Variants in CPSF2 observed in about 807,000 individuals in gnomAD.
The protein encoded by CPSF2 is cleavage and polyadenylation specific factor 2, also known as cleavage and polyadenylation specificity factor subunit 2.
Under a neutral mutation model 84.2 loss-of-function variants are expected in CPSF2, and 51 were observed. The ratio of observed to expected loss-of-function variants is 0.61; its 90% CI spans 0.48 to 0.77. CPSF2 has a LOEUF of 0.77. Among genes scored for constraint, CPSF2 ranks in the 30% least tolerant of loss-of-function variants. The pLI is 0.00. For synonymous variants in CPSF2, 286 were observed against 311.9 expected (o/e 0.92, Z 0.87); for missense variants, 641 against 929.4 (o/e 0.69, Z 4.03).
intron 9 of CPSF2, among the ~76,000 whole-genome samples, chr14:92,151,925 T>A (rs34738682): frequency 6.7e-6 from 1 of 150,058 alleles, no homozygotes; most frequent in Non-Finnish European, 1.5e-5. Context: ...AGTGGGAGGA[T>A]CGCTTGAGGC....
chr14:92,155,967 A>G (rs77648753), intron 11 of CPSF2, among the ~76,000 whole-genome samples: 1,877 of 152,008 alleles, frequency 0.012, 40 homozygotes, highest in African/African-American at 0.042. Flanking sequence ...TGAAAACACT[A>G]CTATCCTGTG....
intron 9 of CPSF2, among the ~76,000 whole-genome samples, chr14:92,153,346 C>T (rs991265890): frequency 6.6e-6 from 1 of 151,874 alleles, no homozygotes; most frequent in African/African-American, 2.4e-5. Flanking sequence ...TGGAAGAGCT[C>T]TTAGGAAAAA....
In CPSF2 at chr14:92,143,299, G is replaced by A. The variant is rs1197361619; in HGVS notation, c.1140+5G>A. The A allele has an allele frequency of 8.9e-6, 14 of 1,568,408 alleles. No homozygotes were observed. The highest frequency in any genetic ancestry group is 1.2e-5 in the Non-Finnish European group (14 of 1,147,404). On this transcript the variant is annotated splice_donor_5th_base_variant and intron_variant, in intron 9 of 15. Transcript: ENST00000298875. ...GAAAAAATTACAGAAATAGAGGTAA[G>A]CACTTGTATGTGAACTTTATCTTAA...
chr14:92,136,052 A>G (rs1023726321), intron 6 of CPSF2, among the ~76,000 whole-genome samples: 3 of 152,360 alleles, frequency 2.0e-5, no homozygotes, highest in South Asian at 2.1e-4. Context: ...ACCATCTAAT[A>G]TAACTGCCCT....
At position 92,168,979 on chromosome 14, in the gene CPSF2, A is replaced by G. The variant is rs934561979; in HGVS notation, c.*7235A>G. Reference sequence around the variant, plus strand: ...TTTTGATAATGATAATTTCAAGTGGAGAATATATAAAGGACTCGTGAGGCC... The same window carrying G: ...TTTTGATAATGATAATTTCAAGTGGGGAATATATAAAGGACTCGTGAGGCC... On this transcript the variant is annotated 3_prime_UTR_variant, in exon 16 of 16. Coordinates refer to ENST00000298875, the MANE Select transcript of CPSF2 (RefSeq NM_017437.3). 2 of 152,190 alleles carry G rather than the reference A, an allele frequency of 1.3e-5. No homozygotes were observed. The highest frequency in any genetic ancestry group is 4.8e-5 in the African/African-American group (2 of 41,442). The allele number at this position is 152,190 out of a possible 1,614,324, so 9.4% of individuals were successfully genotyped here. A position where few individuals can be genotyped will look rare whatever the true frequency, so the allele number is the denominator to read the frequency against.
At chr14:92,140,071 A>C (rs2069056113) in intron 7 of CPSF2, among the ~76,000 whole-genome samples, 1 of 146,326 alleles carries the variant, frequency 6.8e-6, no homozygotes, top group Admixed American at 7.2e-5. Flanking sequence ...CTCCTGCCTC[A>C]GCCTCCCAGG....
rs558845429 is a variant in CPSF2 at position 92,165,025 on chromosome 14, C to A, written c.*3281C>A. 6.6e-6 allele frequency: 1 copy of A among 152,248 alleles called. No homozygotes were observed. The highest frequency in any genetic ancestry group is 2.1e-4 in the South Asian group (1 of 4,824). 9.4% of individuals were successfully genotyped at this position (152,248 alleles called of 1,614,324 possible). A position where few individuals can be genotyped will look rare whatever the true frequency, so the allele number is the denominator to read the frequency against. ...GACACTTCATAAAAATTGAATAATA[C>A]AATATATGAACTTTTATGTTTGACT... On this transcript the variant is annotated 3_prime_UTR_variant, in exon 16 of 16. Coordinates refer to ENST00000298875, the MANE Select transcript of CPSF2 (RefSeq NM_017437.3).
intron 6 of CPSF2, among the ~76,000 whole-genome samples, chr14:92,137,526 G>A (rs535305337): frequency 3.9e-4 from 60 of 152,220 alleles, no homozygotes; most frequent in Admixed American, 3.3e-3. Flanking sequence ...TTTTTAAATG[G>A]TGATTTTCTT....
chr14:92,155,707 T>A (rs1023735324), intron 11 of CPSF2, among the ~76,000 whole-genome samples: 1 of 151,046 alleles, frequency 6.6e-6, no homozygotes, highest in Non-Finnish European at 1.5e-5. Context: ...GATGGGAGGA[T>A]CACTTGAGCT....
rs563039426 is a variant in CPSF2 at position 92,165,166 on chromosome 14, T to C, written c.*3422T>C. The C allele has an allele frequency of 6.6e-6, 1 of 152,304 alleles. No individual in the cohort carries two copies. Among genetic ancestry groups the C allele is most frequent in the East Asian group, 1.9e-4 (1 of 5,194 alleles). 9.4% of individuals were successfully genotyped at this position (152,304 alleles called of 1,614,324 possible). A position where few individuals can be genotyped will look rare whatever the true frequency, so the allele number is the denominator to read the frequency against. Reference sequence around the variant, plus strand: ...GATATACCACATTTTACTTATCCATTCAACCGTTGATGTACATTTGAGTTG... The same window carrying C: ...GATATACCACATTTTACTTATCCATCCAACCGTTGATGTACATTTGAGTTG... On this transcript the variant is annotated 3_prime_UTR_variant, in exon 16 of 16. Transcript: ENST00000298875.
intron 2 of CPSF2, among the ~76,000 whole-genome samples, chr14:92,127,574 A>G (rs2068858686): frequency 6.6e-6 from 1 of 152,216 alleles, no homozygotes; most frequent in African/African-American, 2.4e-5. Context: ...AGGGAAACCC[A>G]AAAATGATGT....
intron 3 of CPSF2, among the ~76,000 whole-genome samples, chr14:92,133,442 T>TGTG (rs34575942): frequency 0.51 from 77,616 of 151,642 alleles, 21,373 homozygotes; most frequent in East Asian, 0.98. Context: ...TCAAGTTACT[T>TGTG]GTGTCTACTG....
At position 92,168,387 on chromosome 14, in the gene CPSF2, A is replaced by G. The variant is rs552744306; in HGVS notation, c.*6643A>G. 3 of 151,670 alleles carry G rather than the reference A, an allele frequency of 2.0e-5. No individual in the cohort carries two copies. The highest frequency in any genetic ancestry group is 4.4e-5 in the Non-Finnish European group (3 of 67,970). The allele number at this position is 151,670 out of a possible 1,614,324, so 9.4% of individuals were successfully genotyped here. A position where few individuals can be genotyped will look rare whatever the true frequency, so the allele number is the denominator to read the frequency against. ...GTCTCACTTGAAGCACTTTGTGTTT[A>G]TGGGAAAATACCAAAAATTACCAAA... On this transcript the variant is annotated 3_prime_UTR_variant, in exon 16 of 16. Transcript: ENST00000298875.
chr14:92,159,219 T>G lies in CPSF2; in HGVS notation c.2058T>G (p.Asp686Glu). Residue 686 changes from aspartate to glutamate, a missense_variant, in exon 14 of 16, where the codon GAT (aspartate) becomes GAG (glutamate). Around this residue, in one of 2 missense-constraint regions of CPSF2, gnomAD observed 430 missense variants for 553.6 expected, o/e 0.78. Transcript: ENST00000298875. ...CCATGAAAAGTCTGTTCGGAGATGA[T>G]GAAAAAGAAACAGGTGAAGAAAGTG... is the stretch of plus-strand genomic sequence containing the variant. ...QKAMKSLFGDDEKETGEESEI... is the reference protein window; with the variant it reads ...QKAMKSLFGDEEKETGEESEI... 1.9e-6 allele frequency: 3 copies of G among 1,613,526 alleles called. No individual in the cohort carries two copies. Among genetic ancestry groups the G allele is most frequent in the Non-Finnish European group, 2.5e-6 (3 of 1,179,794 alleles).
At chr14:92,130,805 A>G in intron 2 of CPSF2, 146 bp from the exon 3 acceptor site, 1 of 511,704 alleles carries the variant, frequency 2.0e-6, no homozygotes, top group Non-Finnish European at 3.3e-6. Flanking sequence ...TAAACTTGGC[A>G]ATGATGGAAA....
At chr14:92,135,721 A>G (rs1377096150) in intron 6 of CPSF2, among the ~76,000 whole-genome samples, 1 of 152,262 alleles carries the variant, frequency 6.6e-6, no homozygotes. Context: ...TATACACTCT[A>G]CAAAACGGGT....
At chr14:92,137,484 C>T (rs1451555440) in intron 6 of CPSF2, among the ~76,000 whole-genome samples, 1 of 152,204 alleles carries the variant, frequency 6.6e-6, no homozygotes, top group Non-Finnish European at 1.5e-5. Flanking sequence ...GTTGGGATTA[C>T]AGGCATGAGC....
chr14:92,158,517 G>C (rs1456608763), intron 13 of CPSF2, among the ~76,000 whole-genome samples: 3 of 152,150 alleles, frequency 2.0e-5, no homozygotes, highest in African/African-American at 7.2e-5. Context: ...CAAGAATATG[G>C]AGATGTGAAA....
intron 9 of CPSF2, among the ~76,000 whole-genome samples, chr14:92,148,754 A>G (rs915447494): frequency 1.3e-5 from 2 of 149,080 alleles, no homozygotes; most frequent in Admixed American, 1.3e-4. Context: ...CCTGGGCGAT[A>G]TAGCAAGGCC....
Sources: gnomAD v4.1 joint callset for allele counts (sites outside exome capture counted in the v4.1 genomes callset) on GRCh38, gnomAD v4.1.1 for gene constraint, gnomAD v4.1.1 regional missense constraint, MANE v1.5 for transcripts, NCBI Gene and HGNC (gene_info 2026-07-23, HGNC 2026-07-21) for gene names.